Variants in BLTP3A observed in about 807,000 individuals in gnomAD.
BLTP3A encodes the protein bridge-like lipid transfer protein family member 3A.
chr6:34,815,114 A>G, the BLTP3A span, among the ~76,000 whole-genome samples: 1 of 152,180 alleles, frequency 6.6e-6, no homozygotes, highest in East Asian at 1.9e-4. Context: ...ATTAATTCAG[A>G]TGTTATGAAG....
the BLTP3A span, among the ~76,000 whole-genome samples, chr6:34,860,728 A>C: frequency 1.3e-5 from 2 of 152,240 alleles, no homozygotes; most frequent in Admixed American, 6.5e-5. Flanking sequence ...AACTTGCACA[A>C]GATCACACAA....
chr6:34,870,047 C>T, the BLTP3A span, among the ~76,000 whole-genome samples: 2 of 152,104 alleles, frequency 1.3e-5, no homozygotes, highest in Admixed American at 1.3e-4. Flanking sequence ...TAACCATCAC[C>T]ACAACCCAAT....
the BLTP3A span, chr6:34,856,955 G>T: frequency 1.9e-6 from 3 of 1,604,654 alleles, no homozygotes; most frequent in African/African-American, 4.0e-5. Flanking sequence ...AACATGGTTG[G>T]AAAGAGGTGG....
the BLTP3A span, chr6:34,859,516 G>A: frequency 6.2e-7 from 1 of 1,614,040 alleles, no homozygotes; most frequent in Non-Finnish European, 8.5e-7. Context: ...CTTCAGTTTG[G>A]GCAGAGATCG....
At chr6:34,809,695 C>T in the BLTP3A span, among the ~76,000 whole-genome samples, 1 of 151,956 alleles carries the variant, frequency 6.6e-6, no homozygotes, top group Admixed American at 6.6e-5. Context: ...CCTCTGAGTA[C>T]TGGAGTGTGC....
chr6:34,822,537 C>T, the BLTP3A span, among the ~76,000 whole-genome samples: 31 of 152,252 alleles, frequency 2.0e-4, no homozygotes, highest in Admixed American at 1.6e-3. Context: ...CCGCGCCTGG[C>T]ACTCCTTGAA....
chr6:34,829,694 G>T, the BLTP3A span, among the ~76,000 whole-genome samples: 159 of 152,082 alleles, frequency 1.0e-3, 1 homozygote, highest in African/African-American at 3.6e-3. Flanking sequence ...GAGTGCAGTG[G>T]TGCGATCTCA....
chr6:34,835,133 G>A, the BLTP3A span, among the ~76,000 whole-genome samples: 1 of 151,986 alleles, frequency 6.6e-6, no homozygotes, highest in African/African-American at 2.4e-5. Context: ...TTTAATTAAG[G>A]AAACTTTAGT....
At chr6:34,852,602 C>G in the BLTP3A span, among the ~76,000 whole-genome samples, 95 of 149,022 alleles carry the variant, frequency 6.4e-4, no homozygotes, top group Middle Eastern at 3.5e-3. Context: ...GAAGCAGTCT[C>G]TCCCAGAGCT....
the BLTP3A span, among the ~76,000 whole-genome samples, chr6:34,836,580 C>T: frequency 2.6e-5 from 4 of 152,176 alleles, no homozygotes; most frequent in African/African-American, 9.7e-5. Context: ...TAATAAAATA[C>T]AGATGTTGGG....
At chr6:34,818,697 G>A in the BLTP3A span, among the ~76,000 whole-genome samples, 7 of 152,034 alleles carry the variant, frequency 4.6e-5, 1 homozygote, top group Admixed American at 4.6e-4. Flanking sequence ...TACCCCACAG[G>A]TAAGCACTTT....
chr6:34,855,534 T>G, the BLTP3A span: 1 of 1,524,650 alleles, frequency 6.6e-7, no homozygotes, highest in South Asian at 1.2e-5. Flanking sequence ...AGCTGGTCGT[T>G]AAGAGGACTT....
the BLTP3A span, chr6:34,834,288 A>G: frequency 1.9e-6 from 3 of 1,613,902 alleles, no homozygotes; most frequent in Non-Finnish European, 2.5e-6. Context: ...ATCAAGATTC[A>G]CTCCAAGGCC....
chr6:34,859,463 C>T, the BLTP3A span: 1 of 1,614,062 alleles, frequency 6.2e-7, no homozygotes, highest in Non-Finnish European at 8.5e-7. Flanking sequence ...CTACATGCCA[C>T]CATGGACCTC....
At chr6:34,823,364 C>A in the BLTP3A span, 3 of 1,602,266 alleles carry the variant, frequency 1.9e-6, no homozygotes, top group Middle Eastern at 1.7e-4. Flanking sequence ...TTTCTTTGAA[C>A]CCTGTTATTT....
chr6:34,870,756 T>C, the BLTP3A span: 1 of 1,433,688 alleles, frequency 7.0e-7, no homozygotes, highest in Non-Finnish European at 9.4e-7. Flanking sequence ...AATGATGATA[T>C]TCCTTTGACA....
the BLTP3A span, among the ~76,000 whole-genome samples, chr6:34,832,967 C>G: frequency 6.6e-6 from 1 of 152,064 alleles, no homozygotes; most frequent in Non-Finnish European, 1.5e-5. Context: ...AGTGATTTCA[C>G]CTACATGTCA....
At chr6:34,867,409 G>C in the BLTP3A span, 1 of 1,613,562 alleles carries the variant, frequency 6.2e-7, no homozygotes, top group Non-Finnish European at 8.5e-7. Context: ...TCTCTGCAGA[G>C]GGTAGGCTCT....
the BLTP3A span, among the ~76,000 whole-genome samples, chr6:34,863,107 A>C: frequency 2.0e-3 from 303 of 152,032 alleles, 1 homozygote; most frequent in African/African-American, 6.2e-3. Context: ...AGGTTTTGCC[A>C]TGTTGCCCAG....
Sources: allele counts gnomAD v4.1 joint callset (sites outside exome capture counted in the v4.1 genomes callset), GRCh38; gene constraint gnomAD v4.1.1; transcripts MANE v1.5; gene names NCBI Gene and HGNC (gene_info 2026-07-23, HGNC 2026-07-21).